The following BLOC1S3 variants were observed in gnomAD, a reference collection of about 807,000 sequenced individuals.
The protein encoded by BLOC1S3 is biogenesis of lysosome-related organelles complex 1 subunit 3.
In BLOC1S3, 7 loss-of-function variants were observed where a neutral mutation model predicts 9.1. The observed-to-expected ratio is 0.77, with a 90% CI of 0.44 to 1.45. The LOEUF (loss-of-function observed/expected upper bound fraction) is 1.45, where lower values mean the gene tolerates loss of function less well. Among genes scored for constraint, BLOC1S3 ranks in the 40% most tolerant of loss-of-function variants. The pLI is 0.01. For synonymous variants in BLOC1S3, 145 were observed against 158.4 expected (o/e 0.92, Z 0.64); for missense variants, 307 against 315.2 (o/e 0.97, Z 0.20).
chr19:45,205,242 T>C lies in BLOC1S3; in HGVS notation n.282+2735T>C, dbSNP rs539715110. 2.0e-5 allele frequency among the ~76,000 whole-genome samples: 3 copies of C among 152,132 alleles called. No homozygotes were observed. In the East Asian group the frequency reaches 5.8e-4, roughly 30 times the overall value. ...GTACAGTGGCATGATCTCAGCTCAC[T>C]GCAACCTCCACTTCCCGGGTTCAAG... On this transcript the variant is annotated intron_variant and non_coding_transcript_variant, in intron 3 of 3. Transcript: ENST00000591569.
intron 3 of BLOC1S3, among the ~76,000 whole-genome samples, chr19:45,211,721 G>A (rs1168327657): frequency 6.6e-6 from 1 of 150,960 alleles, no homozygotes; most frequent in Non-Finnish European, 1.5e-5. Context: ...ACCTCCCCAA[G>A]TTCAAATGTG....
At chr19:45,183,526 G>T (rs554553008), downstream of BLOC1S3, among the ~76,000 whole-genome samples, 1 of 150,092 alleles carries the variant, frequency 6.7e-6, no homozygotes, top group South Asian at 2.1e-4. Context: ...TCCCTCCTGA[G>T]CACTCCCTCC....
In BLOC1S3 at chr19:45,205,406, C is replaced by A. The variant is rs373222266; in HGVS notation, n.282+2899C>A. ...GGTCTCAAACACCTGACCTTGTGAT[C>A]TACCCGCTTCAGCCTCCCAAAGTGC... On this transcript the variant is annotated intron_variant and non_coding_transcript_variant, in intron 3 of 3. Coordinates refer to the BLOC1S3 transcript ENST00000591569. Among the ~76,000 whole-genome samples, 40 of 152,282 alleles carry A rather than the reference C, an allele frequency of 2.6e-4. 1 individual carries two copies. In the East Asian group the frequency reaches 4.1e-3, roughly 15 times the overall value.
downstream of BLOC1S3, among the ~76,000 whole-genome samples, chr19:45,182,721 T>C (rs1969534912): frequency 6.6e-6 from 1 of 152,188 alleles, no homozygotes; most frequent in Non-Finnish European, 1.5e-5. Context: ...TCTCACAATG[T>C]TGCCCAAGTT....
intron 3 of BLOC1S3, among the ~76,000 whole-genome samples, chr19:45,206,738 G>A (rs920715337): frequency 5.3e-5 from 8 of 151,644 alleles, no homozygotes; most frequent in Non-Finnish European, 1.2e-4. Flanking sequence ...TAGGATTATA[G>A]GCATGAGCCA....
chr19:45,213,297 C>G, intron 3 of BLOC1S3: 1 of 1,613,880 alleles, frequency 6.2e-7, no homozygotes, highest in Middle Eastern at 1.7e-4. Flanking sequence ...CCAGGATCTC[C>G]TGGCGGGCGG....
downstream of BLOC1S3, chr19:45,181,932 C>T (rs1376105657): frequency 1.3e-5 from 2 of 158,162 alleles, no homozygotes; most frequent in Non-Finnish European, 2.9e-5. Flanking sequence ...AAATCAGGGG[C>T]CCTAGATTTT....
intron 3 of BLOC1S3, among the ~76,000 whole-genome samples, chr19:45,213,523 A>G (rs950492897): frequency 6.6e-6 from 1 of 151,928 alleles, no homozygotes; most frequent in Non-Finnish European, 1.5e-5. Context: ...TCCCTTGCCC[A>G]GGCCCTCACC....
At chr19:45,182,947 T>C (rs979487531), downstream of BLOC1S3, among the ~76,000 whole-genome samples, 2 of 152,108 alleles carry the variant, frequency 1.3e-5, no homozygotes, top group South Asian at 2.1e-4. Context: ...TGATGAGTGG[T>C]GCTGGAGCTG....
intron 3 of BLOC1S3, among the ~76,000 whole-genome samples, chr19:45,208,463 TGGGCGTGGTGTC>T (rs775619103): frequency 2.7e-5 from 4 of 149,886 alleles, no homozygotes; most frequent in African/African-American, 7.4e-5. Flanking sequence ...AAAAATTAGC[TGGGCGTGGTGTC>T]GGGCGTGGTG....
intron 2 of BLOC1S3, among the ~76,000 whole-genome samples, chr19:45,193,168 T>G (rs1417409928): frequency 6.8e-6 from 1 of 147,210 alleles, no homozygotes; most frequent in East Asian, 2.0e-4. Context: ...AAAGAGACTA[T>G]TTTTGCTACC....
chr19:45,179,598 C>T lies in BLOC1S3; in HGVS notation c.302C>T (p.Ala101Val), dbSNP rs1969479870. ...GCCTGGGGCACGGAGGAGGCCCCGGCGCCCGCCCCCGCGCGCTCGCTCCTG... is the reference window on the plus strand; with the variant it reads ...GCCTGGGGCACGGAGGAGGCCCCGGTGCCCGCCCCCGCGCGCTCGCTCCTG... ...EEAWGTEEAP[A>V]PAPARSLLQL... Residue 101 changes from alanine (A) to valine (V), a missense_variant, in exon 2 of 2, where the codon GCG (alanine) becomes GTG (valine). Coordinates refer to ENST00000433642, the MANE Select transcript of BLOC1S3 (RefSeq NM_212550.5). This position sits in a 1 kb window ranked among gnomAD's most constrained non-coding sequence, Gnocchi z 4.6. 2 of 1,474,916 alleles carry T rather than the reference C, an allele frequency of 1.4e-6. No homozygotes were observed. The highest frequency in any genetic ancestry group is 1.8e-6 in the Non-Finnish European group (2 of 1,119,660). The allele number at this position is 1,474,916 out of a possible 1,614,324, so 91.4% of individuals were successfully genotyped here. A position where few individuals can be genotyped will look rare whatever the true frequency, so the allele number is the denominator to read the frequency against.
downstream of BLOC1S3, among the ~76,000 whole-genome samples, chr19:45,182,767 C>G (rs1969535300): frequency 3.9e-5 from 6 of 152,318 alleles, no homozygotes; most frequent in South Asian, 1.2e-3. Context: ...ATTCTCCTGT[C>G]TTGACCTCCC....
intron 3 of BLOC1S3, among the ~76,000 whole-genome samples, chr19:45,213,559 A>G (rs1348337320): frequency 6.6e-6 from 1 of 151,742 alleles, no homozygotes; most frequent in Non-Finnish European, 1.5e-5. Flanking sequence ...CCAGAACTTC[A>G]CTTCCAACCA....
intron 2 of BLOC1S3, among the ~76,000 whole-genome samples, chr19:45,201,055 T>C (rs749311636): frequency 1.3e-5 from 2 of 151,906 alleles, no homozygotes; most frequent in African/African-American, 2.4e-5. Context: ...ATACAAAAAT[T>C]TGCCAGGCGT....
At chr19:45,216,939 G>A (rs1330773715), downstream of BLOC1S3, 2 of 152,174 alleles carry the variant, frequency 1.3e-5, no homozygotes, top group Non-Finnish European at 2.9e-5. Context: ...AATAAGATCT[G>A]GCGGTTTTTA....
chr19:45,212,909 C>T, intron 3 of BLOC1S3: 1 of 812,160 alleles, frequency 1.2e-6, no homozygotes, highest in Non-Finnish European at 1.8e-6. Flanking sequence ...GTTTGTTTCC[C>T]TTCTGTACAG....
intron 2 of BLOC1S3, among the ~76,000 whole-genome samples, chr19:45,190,223 AT>A (rs1365574250): frequency 6.6e-6 from 1 of 151,140 alleles, no homozygotes; most frequent in African/African-American, 2.4e-5. Context: ...TGTCAATTGA[AT>A]TTTTCAACTC....
chr19:45,192,214 T>C (rs1568473257), intron 2 of BLOC1S3, among the ~76,000 whole-genome samples: 1 of 152,134 alleles, frequency 6.6e-6, no homozygotes, highest in Non-Finnish European at 1.5e-5. Context: ...CCCAGGACCA[T>C]GGCAGCTACT....
Sources: gnomAD v4.1 joint callset for allele counts (sites outside exome capture counted in the v4.1 genomes callset) on GRCh38, gnomAD v4.1.1 for gene constraint, Gnocchi (gnomAD v3.1) non-coding constraint, MANE v1.5 for transcripts, NCBI Gene and HGNC (gene_info 2026-07-23, HGNC 2026-07-21) for gene names.